Variants in MOXD1 observed in about 807,000 individuals in gnomAD.
MOXD1 encodes the protein DBH-like monooxygenase protein 1.
Under a neutral mutation model 66.6 loss-of-function variants are expected in MOXD1, and 62 were observed. The observed-to-expected ratio is 0.93, with a 90% CI of 0.76 to 1.15. The LOEUF is 1.15. MOXD1 is among the 50% of genes most tolerant of loss of function. The pLI is 0.00. For synonymous variants in MOXD1, 303 were observed against 281.9 expected (o/e 1.07, Z -0.75); for missense variants, 847 against 754.6 (o/e 1.12, Z -1.44).
chr6:132,346,072 T>A (rs961506951), intron 4 of MOXD1, among the ~76,000 whole-genome samples: 2 of 151,534 alleles, frequency 1.3e-5, no homozygotes, highest in African/African-American at 4.9e-5. Context: ...GATGGGGGGA[T>A]TTTTTTTAAT....
Position 132,349,480 on chromosome 6 carries a change from T to TATAC in MOXD1, c.664-20887_664-20886insGTAT, listed in dbSNP as rs1389641030. Among the ~76,000 whole-genome samples, 134 of 37,994 alleles carry TATAC rather than the reference T, an allele frequency of 3.5e-3. 23 individuals carry two copies. Among genetic ancestry groups the TATAC allele is most frequent in the African/African-American group, 0.011 (134 of 12,362 alleles). The allele number at this position is 37,994 out of a possible 152,430, so 24.9% of individuals were successfully genotyped here. On this transcript the variant is annotated intron_variant, in intron 4 of 11. Transcript: ENST00000367963. ...ATATATATATACATATATATATATA[T>TATAC]ACATATATATATATACCACAGTTTC... is the stretch of plus-strand genomic sequence containing the variant.
At position 132,330,268 on chromosome 6, in the gene MOXD1, C is replaced by A. The variant is rs575689432; in HGVS notation, c.664-1674G>T. On this transcript the variant is annotated intron_variant, in intron 4 of 11. Coordinates refer to ENST00000367963, the MANE Select transcript of MOXD1 (RefSeq NM_015529.4). ...AAAGCTTCATCTGTATTTATGGCTGCTCCCCAACACTCACATTACCTCCTG... is the reference window on the plus strand; with the variant it reads ...AAAGCTTCATCTGTATTTATGGCTGATCCCCAACACTCACATTACCTCCTG... Among the ~76,000 whole-genome samples, 3 of 152,298 alleles carry A rather than the reference C, an allele frequency of 2.0e-5. No individual in the cohort carries two copies. In the East Asian group the frequency reaches 5.8e-4, roughly 29 times the overall value.
At chr6:132,386,451 A>C (rs1275405976) in intron 1 of MOXD1, among the ~76,000 whole-genome samples, 4 of 148,096 alleles carry the variant, frequency 2.7e-5, no homozygotes, top group African/African-American at 4.9e-5. Context: ...AAAAACAAAA[A>C]AAAAACGGGA....
intron 4 of MOXD1, among the ~76,000 whole-genome samples, chr6:132,367,297 T>C (rs1056101289): frequency 8.5e-5 from 13 of 152,112 alleles, no homozygotes; most frequent in African/African-American, 2.9e-4. Flanking sequence ...TGAGTGTTGC[T>C]AGTGATCTAC....
In MOXD1 at chr6:132,328,673, A is replaced by G. The variant is rs184031866; in HGVS notation, c.664-79T>C. 3.0e-4 allele frequency: 390 copies of G among 1,314,396 alleles called. 2 individuals are homozygous for G. In the East Asian group the frequency reaches 8.4e-3, roughly 28 times the overall value. 81.4% of individuals were successfully genotyped at this position (1,314,396 alleles called of 1,614,324 possible). A position where few individuals can be genotyped will look rare whatever the true frequency, so the allele number is the denominator to read the frequency against. On this transcript the variant is annotated intron_variant, in intron 4 of 11. Coordinates refer to ENST00000367963, the MANE Select transcript of MOXD1 (RefSeq NM_015529.4). ...ATCCCACAACAAACGTGAAACTAGCATAAATTACTGTCAGTTTCTCAAAGG... is the reference window on the plus strand; with the variant it reads ...ATCCCACAACAAACGTGAAACTAGCGTAAATTACTGTCAGTTTCTCAAAGG...
At chr6:132,307,215 A>G (rs542252337) in intron 10 of MOXD1, among the ~76,000 whole-genome samples, 2 of 152,222 alleles carry the variant, frequency 1.3e-5, no homozygotes, top group African/African-American at 2.4e-5. Flanking sequence ...CAGGGGTTGC[A>G]ATCCTAGTCT....
chr6:132,318,142 T>G (rs982648950), intron 9 of MOXD1, among the ~76,000 whole-genome samples: 10 of 152,086 alleles, frequency 6.6e-5, no homozygotes, highest in African/African-American at 2.4e-4. Context: ...CTTTCCTATA[T>G]TATTATATGT....
At chr6:132,336,529 A>G (rs1195485772) in intron 4 of MOXD1, among the ~76,000 whole-genome samples, 2 of 152,124 alleles carry the variant, frequency 1.3e-5, no homozygotes, top group Non-Finnish European at 1.5e-5. Flanking sequence ...TAGCCTGACA[A>G]TGTATCCCAG....
chr6:132,321,598 T>C (rs1775079723), intron 8 of MOXD1, among the ~76,000 whole-genome samples: 1 of 152,176 alleles, frequency 6.6e-6, no homozygotes, highest in African/African-American at 2.4e-5. Context: ...CCGTAATCTC[T>C]GGGCTTTTGC....
intron 4 of MOXD1, among the ~76,000 whole-genome samples, chr6:132,357,854 A>G (rs1775939104): frequency 6.6e-6 from 1 of 152,170 alleles, no homozygotes; most frequent in African/African-American, 2.4e-5. Context: ...TTCAATCTCA[A>G]TTTCAATTAA....
At chr6:132,375,197 C>G (rs1041445134) in intron 1 of MOXD1, 3 of 202,790 alleles carry the variant, frequency 1.5e-5, no homozygotes, top group Non-Finnish European at 9.8e-6. Context: ...CATTACAACT[C>G]CTGGTGGAGC....
chr6:132,373,011 A>G lies in MOXD1; in HGVS notation c.412-14T>C, dbSNP rs777221921. ...CACAGTGCTATCCTGGGGATCAGACATGGGCATGATTAGGTCTCATGAGAG... is the reference window on the plus strand; with the variant it reads ...CACAGTGCTATCCTGGGGATCAGACGTGGGCATGATTAGGTCTCATGAGAG... On this transcript the variant is annotated splice_polypyrimidine_tract_variant and intron_variant, in intron 2 of 11. Coordinates refer to ENST00000367963, the MANE Select transcript of MOXD1 (RefSeq NM_015529.4). 15 of 1,604,362 alleles carry G rather than the reference A, an allele frequency of 9.3e-6. No individual in the cohort carries two copies. Among genetic ancestry groups the G allele is most frequent in the African/African-American group, 8.0e-5 (6 of 74,666 alleles).
At chr6:132,365,899 A>G (rs1310854639) in intron 4 of MOXD1, among the ~76,000 whole-genome samples, 1 of 152,132 alleles carries the variant, frequency 6.6e-6, no homozygotes, top group East Asian at 1.9e-4. Flanking sequence ...ATGCCCCAGT[A>G]TTTTCATCTC....
intron 4 of MOXD1, among the ~76,000 whole-genome samples, chr6:132,348,176 T>C (rs1775705060): frequency 6.6e-6 from 1 of 152,226 alleles, no homozygotes; most frequent in Non-Finnish European, 1.5e-5. Context: ...TATTTTCCTA[T>C]AGATGTAGGT....
intron 4 of MOXD1, among the ~76,000 whole-genome samples, chr6:132,345,123 G>A (rs2114614321): frequency 6.6e-6 from 1 of 152,316 alleles, no homozygotes; most frequent in African/African-American, 2.4e-5. Context: ...GGCTTGCAAA[G>A]TGGCATCGAA....
At chr6:132,339,094 T>C (rs962682274) in intron 4 of MOXD1, among the ~76,000 whole-genome samples, 8 of 152,242 alleles carry the variant, frequency 5.3e-5, no homozygotes, top group African/African-American at 1.2e-4. Flanking sequence ...TTGCAAACTA[T>C]GTAATCATGA....
At chr6:132,372,783 C>G (rs1177173991) in intron 3 of MOXD1, 47 bp downstream of exon 3, 1 of 1,610,830 alleles carries the variant, frequency 6.2e-7, no homozygotes, top group East Asian at 2.2e-5. Context: ...CTCGTATACA[C>G]TTTCAATAAG....
Position 132,322,797 on chromosome 6 carries a change from C to T in MOXD1, c.1187G>A (p.Gly396Asp), listed in dbSNP as rs760605242. ...VLLHAHLAGRGIRLRHFRKGK... is the reference protein window; with the variant it reads ...VLLHAHLAGRDIRLRHFRKGK... Reference sequence around the variant, plus strand: ...TTTTCGAAAATGACGCAGCCTGATGCCTCTGCCAGCCAGGTGAGCATGGAG... The same window carrying T: ...TTTTCGAAAATGACGCAGCCTGATGTCTCTGCCAGCCAGGTGAGCATGGAG... Residue 396 changes from glycine (G) to aspartate (D), a missense_variant, in exon 8 of 12, where the codon GGC becomes GAC. Transcript: ENST00000367963. 45 of 1,613,926 alleles carry T rather than the reference C, an allele frequency of 2.8e-5. No individual in the cohort carries two copies. Among genetic ancestry groups the T allele is most frequent in the Admixed American group, 1.3e-4 (8 of 59,982 alleles).
chr6:132,297,701 G>T, intron 11 of MOXD1, 86 bp downstream of exon 11: 1 of 1,446,598 alleles, frequency 6.9e-7, no homozygotes, highest in Non-Finnish European at 9.2e-7. Context: ...CTGGATTTAT[G>T]GATATTTGTC....
Sources: gnomAD v4.1 joint callset for allele counts (sites outside exome capture counted in the v4.1 genomes callset) on GRCh38, gnomAD v4.1.1 for gene constraint, MANE v1.5 for transcripts, NCBI Gene and HGNC (gene_info 2026-07-23, HGNC 2026-07-21) for gene names.